Variants in SLC24A3 observed in about 807,000 individuals in gnomAD.
SLC24A3 encodes solute carrier family 24 member 3.
SLC24A3 carries 28 observed loss-of-function variants against 75.8 expected under a neutral mutation model. The observed-to-expected ratio is 0.37, with a 90% CI of 0.27 to 0.51. The LOEUF is 0.51. Among genes scored for constraint, SLC24A3 ranks in the 20% least tolerant of loss-of-function variants. SLC24A3 has a pLI of 0.94. For synonymous variants in SLC24A3, 372 were observed against 334.1 expected, an observed-to-expected ratio of 1.11 and a Z score of -1.24; for missense variants, 663 against 847.8, an observed-to-expected ratio of 0.78 and a Z score of 2.71.
chr20:19,218,050 C>T lies in SLC24A3; in HGVS notation c.142+5066C>T, dbSNP rs926473385. Among the ~76,000 whole-genome samples, 6 of 152,216 alleles carry T rather than the reference C, an allele frequency of 3.9e-5. No homozygotes were observed. In the South Asian group the frequency reaches 1.2e-3, roughly 32 times the overall value. ...ATGAACTTTCCGTACCTCTGTACCCCAGTCACTGGCCCCATAGTAGGAGCT... is the reference window on the plus strand; with the variant it reads ...ATGAACTTTCCGTACCTCTGTACCCTAGTCACTGGCCCCATAGTAGGAGCT... On this transcript the variant is annotated intron_variant, in intron 1 of 16. Coordinates refer to ENST00000328041, the MANE Select transcript of SLC24A3 (RefSeq NM_020689.4).
At chr20:19,404,822 T>C (rs1225347338) in intron 2 of SLC24A3, among the ~76,000 whole-genome samples, 1 of 152,184 alleles carries the variant, frequency 6.6e-6, no homozygotes, top group African/African-American at 2.4e-5. Context: ...GGCTGGCTCT[T>C]TCCCTAATTA....
In SLC24A3 at chr20:19,681,969, A is replaced by C; in HGVS notation, c.879A>C (p.Ala293=). The part of the protein sequence containing the change: ...AEIDDSSNCD[A]TVVLLKKANF... ...TTGATGACAGCAGCAACTGCGACGC[A>C]ACTGTGGTGCTACTTAAGAAAGGTA... Residue 293 remains alanine, a synonymous_variant, in exon 10 of 17, where the codon GCA becomes GCC. Transcript: ENST00000328041. 6.2e-7 allele frequency: 1 copy of C among 1,614,168 alleles called. No homozygotes were observed. Among genetic ancestry groups the C allele is most frequent in the Non-Finnish European group, 8.5e-7 (1 of 1,180,034 alleles).
chr20:19,424,825 C>G (rs1399957250), intron 2 of SLC24A3, among the ~76,000 whole-genome samples: 1 of 149,112 alleles, frequency 6.7e-6, no homozygotes, highest in Non-Finnish European at 1.5e-5. Flanking sequence ...ACCACAATGT[C>G]ACTGCTATTC....
intron 2 of SLC24A3, among the ~76,000 whole-genome samples, chr20:19,460,667 C>T (rs535501384): frequency 5.9e-5 from 9 of 152,190 alleles, no homozygotes; most frequent in East Asian, 3.9e-4. Context: ...TTTATTTGGA[C>T]GTGTTTCCCT....
Sources: allele counts gnomAD v4.1 joint callset (sites outside exome capture counted in the v4.1 genomes callset), GRCh38; gene constraint gnomAD v4.1.1; transcripts MANE v1.5; gene names NCBI Gene and HGNC (gene_info 2026-07-23, HGNC 2026-07-21).